The following PDZD2 variants were observed in gnomAD, a reference collection of about 807,000 sequenced individuals.
PDZD2 encodes the protein PDZ domain containing 2.
PDZD2 carries 90 observed loss-of-function variants against 220.7 expected under a neutral mutation model. That is an observed-to-expected ratio of 0.41 (90% CI 0.34 to 0.49). The LOEUF is 0.49. Ranked by LOEUF, PDZD2 falls within the 20% of genes least tolerant of loss-of-function variation. The pLI, the probability that PDZD2 is intolerant of heterozygous loss-of-function variation, is 0.28. For synonymous variants in PDZD2, 1,375 were observed against 1,450.5 expected, an observed-to-expected ratio of 0.95 and a Z score of 1.18; for missense variants, 3,174 against 3,608.5, an observed-to-expected ratio of 0.88 and a Z score of 3.08.
Position 32,010,783 on chromosome 5 carries a change from G to T in PDZD2, c.1407+301G>T, listed in dbSNP as rs562627789. On this transcript the variant is annotated intron_variant, in intron 6 of 24. Coordinates refer to ENST00000438447, the MANE Select transcript of PDZD2 (RefSeq NM_178140.4). The stretch of plus-strand genomic sequence containing the variant: ...GGCTGAGGCAGGTGGATCACCTGAG[G>T]TCAGGAGTTCAAGACCAGCCTGGCC... The T allele has an allele frequency of 4.1e-4, 165 of 406,904 alleles. 1 individual carries two copies. The Admixed American group carries it at 5.0e-3, about 12-fold the overall frequency. The allele number at this position is 406,904 out of a possible 1,614,324, so 25.2% of individuals were successfully genotyped here.
At position 32,057,963 on chromosome 5, in the gene PDZD2, T is replaced by A; in HGVS notation, c.2060T>A (p.Met687Lys). The A allele has an allele frequency of 6.2e-7, 1 of 1,613,776 alleles. No individual in the cohort carries two copies. The highest frequency in any genetic ancestry group is 8.5e-7 in the Non-Finnish European group (1 of 1,179,806). Residue 687 changes from methionine to lysine, a missense_variant, in exon 12 of 25, where the codon ATG becomes AAG. Met to Lys is a moderately conservative substitution (Grantham distance 95). This residue lies in a region of PDZD2 where 1,861 missense variants were observed against 2,001.0 expected (regional missense o/e 0.93). Coordinates refer to ENST00000438447, the MANE Select transcript of PDZD2 (RefSeq NM_178140.4). ...ACACCCTGCTCGACACCCACACACA[T>A]GAGCAGATCCGCCTCCCCGAACTTC... ...SLTPCSTPTH[M>K]SRSASPNFNT... is the part of the protein sequence containing the mutation.
At position 32,057,720 on chromosome 5, in the gene PDZD2, A is replaced by G. The variant is rs1739215116; in HGVS notation, c.1966A>G (p.Thr656Ala). The stretch of plus-strand genomic sequence containing the variant: ...CTTGACATTTCAAGAAGCCATTCAT[A>G]CCTTTAAGGTAACAACATTCTTATT... The part of the protein sequence containing the change: ...KGLTFQEAIH[T>A]FKQIRSGLFV... The change falls in exon 11 of 25, where the codon ACC becomes GCC. Residue 656 changes from threonine to alanine, a missense_variant. By Grantham distance (58) the Thr-to-Ala change is moderately conservative. This residue lies in a region of PDZD2 where 1,861 missense variants were observed against 2,001.0 expected (regional missense o/e 0.93). Transcript: ENST00000438447. 1 of 1,574,718 alleles carries G rather than the reference A, an allele frequency of 6.4e-7. No individual in the cohort carries two copies. Among genetic ancestry groups the G allele is most frequent in the Non-Finnish European group, 8.7e-7 (1 of 1,145,834 alleles).
intron 5 of PDZD2, among the ~76,000 whole-genome samples, chr5:32,002,200 A>G (rs1752186037): frequency 6.6e-6 from 1 of 152,090 alleles, no homozygotes; most frequent in South Asian, 2.1e-4. Flanking sequence ...AGACTCTCAG[A>G]CTTCCAAAGA....
intron 2 of PDZD2, among the ~76,000 whole-genome samples, chr5:31,944,846 G>GTGAGCTGTGAGC (rs1746495505): frequency 6.6e-6 from 1 of 152,240 alleles, no homozygotes; most frequent in South Asian, 2.1e-4. Flanking sequence ...TGTGCACCAG[G>GTGAGCTGTGAGC]TGAGCTGTGA....
chr5:32,085,876 TA>T (rs1742401625), intron 19 of PDZD2, among the ~76,000 whole-genome samples: 1 of 151,916 alleles, frequency 6.6e-6, no homozygotes, highest in African/African-American at 2.4e-5. Context: ...TCTATTTCTG[TA>T]AAAAATGTCA....
chr5:31,656,064 CAG>C (rs1311117056), intron 1 of PDZD2, among the ~76,000 whole-genome samples: 8 of 152,224 alleles, frequency 5.3e-5, no homozygotes, highest in Non-Finnish European at 1.2e-4. Context: ...CCCCATGCTG[CAG>C]AGTCGAGTGT....
chr5:31,906,993 G>T (rs1393309418), intron 2 of PDZD2, among the ~76,000 whole-genome samples: 1 of 152,186 alleles, frequency 6.6e-6, no homozygotes, highest in Non-Finnish European at 1.5e-5. Context: ...TCTAATTCTG[G>T]GTAGAATGCT....
chr5:32,089,314 T>C lies in PDZD2; in HGVS notation c.5866T>C (p.Cys1956Arg). ...CACAGCTGCCCCCAGGTCCCCCCAGTGTGTGCTGGAAAGCAAGCCACCTCT... is the reference window on the plus strand; with the variant it reads ...CACAGCTGCCCCCAGGTCCCCCCAGCGTGTGCTGGAAAGCAAGCCACCTCT... ...NTTAAPRSPQ[C>R]VLESKPPLAT... The change falls in exon 20 of 25, where the codon TGT becomes CGT. Residue 1956 changes from cysteine (C) to arginine (R), a missense_variant. By Grantham distance (180) the Cys-to-Arg change is radical. This residue lies in a region of PDZD2 where 1,861 missense variants were observed against 2,001.0 expected (regional missense o/e 0.93). Transcript: ENST00000438447. 1 of 1,614,046 alleles carries C rather than the reference T, an allele frequency of 6.2e-7. No homozygotes were observed. The highest frequency in any genetic ancestry group is 8.5e-7 in the Non-Finnish European group (1 of 1,180,008).
intron 1 of PDZD2, among the ~76,000 whole-genome samples, chr5:31,772,896 G>A (rs1462129580): frequency 6.6e-6 from 1 of 152,162 alleles, no homozygotes; most frequent in Non-Finnish European, 1.5e-5. Flanking sequence ...GATTGAAGCT[G>A]GACTATATGG....
chr5:31,762,455 T>C (rs1413015086), intron 1 of PDZD2, among the ~76,000 whole-genome samples: 3 of 152,220 alleles, frequency 2.0e-5, no homozygotes, highest in Non-Finnish European at 4.4e-5. Flanking sequence ...GCTCGCCTAC[T>C]TTTTGTATTT....
intron 2 of PDZD2, among the ~76,000 whole-genome samples, chr5:31,974,036 A>G (rs1749528952): frequency 6.6e-6 from 1 of 152,202 alleles, no homozygotes; most frequent in Admixed American, 6.5e-5. Context: ...GCTGGAATGT[A>G]GTGGTGCCAT....
intron 1 of PDZD2, among the ~76,000 whole-genome samples, chr5:31,774,380 C>G (rs1752511494): frequency 6.6e-6 from 1 of 151,614 alleles, no homozygotes; most frequent in Non-Finnish European, 1.5e-5. Context: ...GCAGAGAATA[C>G]AGGTTCACTG....
chr5:31,689,384 G>A (rs1289320539), intron 1 of PDZD2, among the ~76,000 whole-genome samples: 6 of 80,568 alleles, frequency 7.4e-5, no homozygotes, highest in East Asian at 8.3e-4. Context: ...AAGTCGAGAC[G>A]GGGTTTCACC....
intron 2 of PDZD2, among the ~76,000 whole-genome samples, chr5:31,958,964 G>A (rs764444646): frequency 6.6e-6 from 1 of 151,292 alleles, no homozygotes; most frequent in East Asian, 2.0e-4. Context: ...ATGGAGTCTC[G>A]CTCTGTCACC....
chr5:32,094,958 C>T (rs1353457472), intron 21 of PDZD2, among the ~76,000 whole-genome samples: 1 of 152,214 alleles, frequency 6.6e-6, no homozygotes, highest in Non-Finnish European at 1.5e-5. Flanking sequence ...TCTCTTCCTC[C>T]TCCCACTTGT....
At chr5:31,758,390 G>A (rs1751423902) in intron 1 of PDZD2, among the ~76,000 whole-genome samples, 1 of 152,204 alleles carries the variant, frequency 6.6e-6, no homozygotes, top group Non-Finnish European at 1.5e-5. Flanking sequence ...CTCCATGAAG[G>A]GCGCCCCAGA....
intron 2 of PDZD2, among the ~76,000 whole-genome samples, chr5:31,867,441 C>T (rs1439707735): frequency 6.6e-6 from 1 of 152,156 alleles, no homozygotes; most frequent in African/African-American, 2.4e-5. Context: ...AGAGCCTCAG[C>T]CTCATCTGCA....
chr5:31,775,336 G>GGAA (rs560260320), intron 1 of PDZD2, among the ~76,000 whole-genome samples: 1 of 139,160 alleles, frequency 7.2e-6, no homozygotes, highest in African/African-American at 2.6e-5. Flanking sequence ...AGATGTAATT[G>GGAA]AAAAAAAAAA....
At chr5:31,854,270 C>T (rs1758232504) in intron 2 of PDZD2, among the ~76,000 whole-genome samples, 1 of 152,186 alleles carries the variant, frequency 6.6e-6, no homozygotes, top group African/African-American at 2.4e-5. Flanking sequence ...GCAGCTGGAG[C>T]GATGGCTGCA....
Sources: gnomAD v4.1 joint callset for allele counts (sites outside exome capture counted in the v4.1 genomes callset) on GRCh38, gnomAD v4.1.1 for gene constraint, gnomAD v4.1.1 regional missense constraint, MANE v1.5 for transcripts, NCBI Gene and HGNC (gene_info 2026-07-23, HGNC 2026-07-21) for gene names.